LZTS1: variants seen among roughly 807,000 people sequenced by gnomAD.
LZTS1 encodes leucine zipper tumor suppressor 1.
Under a neutral mutation model 45.8 loss-of-function variants are expected in LZTS1, and 31 were observed. That is an observed-to-expected ratio of 0.68 (90% confidence interval 0.51 to 0.91). The LOEUF (loss-of-function observed/expected upper bound fraction) is 0.91, where lower values mean the gene tolerates loss of function less well. LZTS1 is among the 40% of genes least tolerant of loss of function. The pLI, the probability that LZTS1 is intolerant of heterozygous loss-of-function variation, is 0.00. For missense variants in LZTS1, 821 were observed against 788.9 expected, an observed-to-expected ratio of 1.04 and a Z score of -0.49; for synonymous variants, 359 against 357.3, an observed-to-expected ratio of 1.00 and a Z score of -0.05.
At chr8:20,254,707 C>T in intron 2 of LZTS1, 130 bp downstream of exon 2, 1 of 745,538 alleles carries the variant, frequency 1.3e-6, no homozygotes, top group Non-Finnish European at 2.1e-6. Flanking sequence ...GCCGGCACCC[C>T]TGCCGCTCTG....
chr8:20,267,781 C>A (rs1368174366), intron 1 of LZTS1, among the ~76,000 whole-genome samples: 3 of 152,168 alleles, frequency 2.0e-5, no homozygotes, highest in African/African-American at 7.2e-5. Flanking sequence ...TCCCAAAGTG[C>A]TGGGATTACA....
At chr8:20,268,541 G>A (rs1800409209) in intron 1 of LZTS1, among the ~76,000 whole-genome samples, 1 of 152,000 alleles carries the variant, frequency 6.6e-6, no homozygotes, top group Non-Finnish European at 1.5e-5. Context: ...TGGGGGCCAG[G>A]GCTGGGGCAG....
intron 1 of LZTS1, among the ~76,000 whole-genome samples, chr8:20,287,942 T>G (rs1226952796): frequency 7.0e-6 from 1 of 142,432 alleles, no homozygotes; most frequent in Non-Finnish European, 1.5e-5. Context: ...TTCTTCCCCT[T>G]CCCTAGCCCA....
intron 1 of LZTS1, among the ~76,000 whole-genome samples, chr8:20,268,087 T>G (rs936281090): frequency 2.0e-5 from 3 of 152,196 alleles, no homozygotes; most frequent in Admixed American, 1.3e-4. Context: ...TAGAGCAGTA[T>G]GGAAAGATGC....
At chr8:20,274,140 A>C (rs1800528916) in intron 1 of LZTS1, among the ~76,000 whole-genome samples, 1 of 152,172 alleles carries the variant, frequency 6.6e-6, no homozygotes, top group African/African-American at 2.4e-5. Flanking sequence ...TCTGTAGCAC[A>C]GCTGCTCTCT....
intron 1 of LZTS1, among the ~76,000 whole-genome samples, chr8:20,276,624 C>G (rs1800589328): frequency 6.6e-6 from 1 of 152,214 alleles, no homozygotes; most frequent in Non-Finnish European, 1.5e-5. Context: ...GTGTGTTTCA[C>G]TGAGTTCTGT....
At chr8:20,298,511 C>G (rs540812577) in intron 1 of LZTS1, among the ~76,000 whole-genome samples, 1 of 152,160 alleles carries the variant, frequency 6.6e-6, no homozygotes, top group African/African-American at 2.4e-5. Context: ...GTAAAAAGCG[C>G]TATTGAAATC....
chr8:20,251,113 ATATATATATATATAT>A (rs1292364499), intron 3 of LZTS1, among the ~76,000 whole-genome samples: 1,375 of 21,828 alleles, frequency 0.063, 87 homozygotes, highest in African/African-American at 0.2. Flanking sequence ...ATATATATAT[ATATATATATATATAT>A]ATATATATAT....
chr8:20,251,888 G>A (rs569744867), intron 3 of LZTS1, among the ~76,000 whole-genome samples: 1 of 152,312 alleles, frequency 6.6e-6, no homozygotes, highest in Non-Finnish European at 1.5e-5. Flanking sequence ...TACCATTGGT[G>A]TTAAATGGGG....
chr8:20,254,492 G>A (rs2128892603), intron 2 of LZTS1, among the ~76,000 whole-genome samples: 1 of 152,260 alleles, frequency 6.6e-6, no homozygotes, highest in Middle Eastern at 3.4e-3. Flanking sequence ...ATGAGAACAG[G>A]GCTCCCTCTC....
chr8:20,298,871 G>A (rs1265043592), intron 1 of LZTS1, among the ~76,000 whole-genome samples: 3 of 152,088 alleles, frequency 2.0e-5, no homozygotes, highest in Non-Finnish European at 4.4e-5. Context: ...GCAAGATCTT[G>A]TCTCTAAAAA....
At chr8:20,284,148 T>A (rs868276419) in intron 1 of LZTS1, among the ~76,000 whole-genome samples, 1 of 152,176 alleles carries the variant, frequency 6.6e-6, no homozygotes, top group Non-Finnish European at 1.5e-5. Flanking sequence ...CATCTCCCCA[T>A]GGGCAGCTTC....
intron 1 of LZTS1, among the ~76,000 whole-genome samples, chr8:20,280,585 G>GA (rs1350307825): frequency 3.8e-4 from 58 of 152,222 alleles, no homozygotes; most frequent in Non-Finnish European, 1.3e-4. Context: ...AGCACCGCCT[G>GA]AATGTGGAAC....
intron 1 of LZTS1, among the ~76,000 whole-genome samples, chr8:20,266,586 C>T (rs1039762539): frequency 6.8e-6 from 1 of 146,806 alleles, no homozygotes; most frequent in Admixed American, 7.0e-5. Context: ...TCCTGTTCGG[C>T]GTTTTGGACC....
At chr8:20,251,968 G>A (rs34301424) in intron 3 of LZTS1, among the ~76,000 whole-genome samples, 40 of 152,126 alleles carry the variant, frequency 2.6e-4, no homozygotes, top group Non-Finnish European at 4.4e-4. Flanking sequence ...AGGGGTTTGC[G>A]TGTAGACTGA....
At chr8:20,299,956 C>A (rs967606586) in intron 1 of LZTS1, among the ~76,000 whole-genome samples, 1 of 152,224 alleles carries the variant, frequency 6.6e-6, no homozygotes, top group Non-Finnish European at 1.5e-5. Context: ...TGCCCTGGAA[C>A]CATGTGGCGG....
chr8:20,270,361 C>A (rs1026355709), intron 1 of LZTS1, among the ~76,000 whole-genome samples: 2 of 152,212 alleles, frequency 1.3e-5, no homozygotes, highest in African/African-American at 4.8e-5. Context: ...TCCCATCAGA[C>A]CAAGGATGAA....
chr8:20,273,159 C>G (rs1313726873), intron 1 of LZTS1, among the ~76,000 whole-genome samples: 1 of 152,164 alleles, frequency 6.6e-6, no homozygotes, highest in East Asian at 1.9e-4. Flanking sequence ...GCGGCTCTGT[C>G]TCTTTCTTTT....
At chr8:20,286,070 T>C (rs577621471) in intron 1 of LZTS1, among the ~76,000 whole-genome samples, 9 of 152,158 alleles carry the variant, frequency 5.9e-5, no homozygotes, top group Non-Finnish European at 1.0e-4. Context: ...AAACCAAGGA[T>C]AATATCTTCT....
Sources: gnomAD v4.1 joint callset for allele counts (sites outside exome capture counted in the v4.1 genomes callset) on GRCh38, gnomAD v4.1.1 for gene constraint, MANE v1.5 for transcripts, NCBI Gene and HGNC (gene_info 2026-07-23, HGNC 2026-07-21) for gene names.